Variants in COL6A5 observed in about 807,000 individuals in gnomAD.
The protein encoded by COL6A5 is collagen type VI alpha 5 chain.
Under a neutral mutation model 65.6 loss-of-function variants are expected in COL6A5, and 48 were observed. The ratio of observed to expected loss-of-function variants is 0.73; its 90% CI spans 0.58 to 0.93. The LOEUF is 0.93. COL6A5 is among the 40% of genes least tolerant of loss of function. The pLI is 0.00. For synonymous variants in COL6A5, 291 were observed against 322.8 expected (o/e 0.90, Z 1.05); for missense variants, 914 against 928.3 (o/e 0.98, Z 0.20).
chr3:130,402,655 G>A (rs906258799), intron 12 of COL6A5, among the ~76,000 whole-genome samples: 3 of 152,138 alleles, frequency 2.0e-5, no homozygotes, highest in Non-Finnish European at 2.9e-5. Context: ...GAGAGAGGCT[G>A]GGGGTGAATT....
chr3:130,389,720 GTCA>G (rs1355600178), intron 6 of COL6A5, among the ~76,000 whole-genome samples: 3 of 151,900 alleles, frequency 2.0e-5, no homozygotes, highest in African/African-American at 7.3e-5. Flanking sequence ...ATTACTTGGG[GTCA>G]TCATTTTATT....
chr3:130,385,471 A>G, intron 5 of COL6A5, 107 bp downstream of exon 5: 2 of 1,177,830 alleles, frequency 1.7e-6, no homozygotes, highest in Non-Finnish European at 2.3e-6. Flanking sequence ...TCCGGATAAC[A>G]TTTTGCTAGC....
intron 3 of COL6A5, among the ~76,000 whole-genome samples, chr3:130,441,207 G>A (rs1359193761): frequency 6.6e-6 from 1 of 152,148 alleles, no homozygotes; most frequent in African/African-American, 2.4e-5. Flanking sequence ...ACACCCTGGA[G>A]ACCTGTGTGA....
chr3:130,463,913 T>C (rs992518721), intron 5 of COL6A5, among the ~76,000 whole-genome samples: 3 of 152,038 alleles, frequency 2.0e-5, no homozygotes, highest in African/African-American at 2.4e-5. Context: ...TCCTATAAGT[T>C]GGGAGGTAAC....
At chr3:130,407,551 C>T (rs77559209) in intron 17 of COL6A5, among the ~76,000 whole-genome samples, 2,703 of 152,284 alleles carry the variant, frequency 0.018, 40 homozygotes, top group South Asian at 0.035. Context: ...TGAGAACAGA[C>T]ACAAAATATG....
intron 3 of COL6A5, among the ~76,000 whole-genome samples, chr3:130,442,502 G>C (rs1709208172): frequency 6.6e-6 from 1 of 152,186 alleles, no homozygotes; most frequent in African/African-American, 2.4e-5. Flanking sequence ...TGTAGAAGTA[G>C]CCTACTGTTG....
chr3:130,446,938 T>C (rs1035361935), intron 4 of COL6A5, among the ~76,000 whole-genome samples: 3 of 152,136 alleles, frequency 2.0e-5, no homozygotes, highest in Non-Finnish European at 4.4e-5. Context: ...CAATGCCAAA[T>C]GTAATTGGGA....
chr3:130,471,872 G>A lies in COL6A5; in HGVS notation c.2328+905G>A, dbSNP rs73868680. The A allele has an allele frequency of 0.072, 105,316 of 1,468,390 alleles. 4,935 individuals carry two copies. The highest frequency in any genetic ancestry group is 0.23 in the African/African-American group (15,918 of 68,900). 91.0% of individuals were successfully genotyped at this position (1,468,390 alleles called of 1,614,324 possible). ...ACTGGCAATGAAAGACAAGGAAAAA[G>A]CACATTTAGAAGAAATTTCAGCTCT... On this transcript the variant is annotated intron_variant, in intron 7 of 7. Coordinates refer to ENST00000512836, the Ensembl canonical transcript of COL6A5.
At chr3:130,407,797 C>T (rs771614350) in intron 17 of COL6A5, among the ~76,000 whole-genome samples, 7 of 152,108 alleles carry the variant, frequency 4.6e-5, no homozygotes, top group African/African-American at 9.7e-5. Flanking sequence ...CAAGTTTAAT[C>T]GGAAATAATT....
At chr3:130,404,433 T>TG (rs1936918612) in intron 13 of COL6A5, among the ~76,000 whole-genome samples, 1 of 152,216 alleles carries the variant, frequency 6.6e-6, no homozygotes. Flanking sequence ...GGCCTAGATA[T>TG]GGGTCCTTGA....
rs35177024 is a variant in COL6A5, at chr3:130,398,128, G to GTTTTTTTT, written c.3991+30_3991+37dup. ...GAGAAGCAGGTATTGAGTTGTTGTT[G>GTTTTTTTT]TTTTTTTTTTTTTTTTTTTTGAGAT... On this transcript the variant is annotated intron_variant and NMD_transcript_variant, in intron 10 of 41. Transcript: ENST00000312481. The GTTTTTTTT allele has an allele frequency of 9.3e-5, 84 of 907,082 alleles. No individual in the cohort carries two copies. The highest frequency in any genetic ancestry group is 3.5e-4 in the Middle Eastern group (1 of 2,856). 56.2% of individuals were successfully genotyped at this position (907,082 alleles called of 1,614,324 possible). A position where few individuals can be genotyped will look rare whatever the true frequency, so the allele number is the denominator to read the frequency against.
Position 130,398,125 on chromosome 3 carries a change from G to A in COL6A5, c.3991+14G>A. On this transcript the variant is annotated intron_variant and NMD_transcript_variant, in intron 10 of 41. Transcript: ENST00000312481. ...TCAGAGAAGCAGGTATTGAGTTGTT[G>A]TTGTTTTTTTTTTTTTTTTTTTTGA... is the stretch of plus-strand genomic sequence containing the variant. 1.9e-6 allele frequency: 2 copies of A among 1,061,730 alleles called. No individual in the cohort carries two copies. Among genetic ancestry groups the A allele is most frequent in the Non-Finnish European group, 2.6e-6 (2 of 776,156 alleles). The allele number at this position is 1,061,730 out of a possible 1,614,324, so 65.8% of individuals were successfully genotyped here. A position where few individuals can be genotyped will look rare whatever the true frequency, so the allele number is the denominator to read the frequency against.
chr3:130,460,757 T>C (rs1182885588), intron 5 of COL6A5, among the ~76,000 whole-genome samples: 1 of 151,616 alleles, frequency 6.6e-6, no homozygotes, highest in Non-Finnish European at 1.5e-5. Flanking sequence ...GTGGTAATAT[T>C]GGTGGTGGTG....
chr3:130,424,172 A>G (rs1278648001), intron 29 of COL6A5, among the ~76,000 whole-genome samples: 1 of 152,100 alleles, frequency 6.6e-6, no homozygotes, highest in Non-Finnish European at 1.5e-5. Flanking sequence ...ATAATATTGC[A>G]TTGCAAAATA....
chr3:130,440,327 T>G (rs771662228), exon 3 of COL6A5: 3 of 1,613,436 alleles, frequency 1.9e-6, no homozygotes, highest in Non-Finnish European at 2.5e-6. Context: ...CAACATTGCT[T>G]CAGACCCTTT....
At chr3:130,390,000 A>G (rs1936337052) in intron 6 of COL6A5, among the ~76,000 whole-genome samples, 1 of 152,192 alleles carries the variant, frequency 6.6e-6, no homozygotes, top group African/African-American at 2.4e-5. Flanking sequence ...GAATTTTCAG[A>G]AACTTAACAT....
At chr3:130,350,769 C>T (rs112571828) in intron 1 of COL6A5, among the ~76,000 whole-genome samples, 2 of 152,188 alleles carry the variant, frequency 1.3e-5, no homozygotes, top group African/African-American at 2.4e-5. Context: ...CCATCCCCAT[C>T]AAGCTACCAA....
chr3:130,443,090 A>G (rs1373221149), intron 3 of COL6A5, among the ~76,000 whole-genome samples: 1 of 152,226 alleles, frequency 6.6e-6, no homozygotes, highest in Non-Finnish European at 1.5e-5. Flanking sequence ...AGTATCAAGT[A>G]ATGAAACATT....
At chr3:130,348,201 A>C (rs971050752) in intron 1 of COL6A5, among the ~76,000 whole-genome samples, 1 of 152,148 alleles carries the variant, frequency 6.6e-6, no homozygotes, top group African/African-American at 2.4e-5. Context: ...GGTTTACTGC[A>C]CCTATCAACC....
Sources: gnomAD v4.1 joint callset for allele counts (sites outside exome capture counted in the v4.1 genomes callset) on GRCh38, gnomAD v4.1.1 for gene constraint, MANE v1.5 for transcripts, NCBI Gene and HGNC (gene_info 2026-07-23, HGNC 2026-07-21) for gene names.